Variants in CMSS1 observed in about 807,000 individuals in gnomAD.
CMSS1 encodes protein CMSS1.
CMSS1 carries 33 observed loss-of-function variants against 43.5 expected under a neutral mutation model. That is an observed-to-expected ratio of 0.76 (90% CI 0.57 to 1.01). The LOEUF is 1.01. CMSS1 is among the 50% of genes least tolerant of loss of function. CMSS1 has a pLI of 0.00. For missense variants in CMSS1, 313 were observed against 326.4 expected, an observed-to-expected ratio of 0.96 and a Z score of 0.32; for synonymous variants, 115 against 117.2, an observed-to-expected ratio of 0.98 and a Z score of 0.12.
At chr3:100,146,608 A>G (rs116229948) in intron 1 of CMSS1, among the ~76,000 whole-genome samples, 331 of 152,332 alleles carry the variant, frequency 2.2e-3, no homozygotes, top group Middle Eastern at 3.4e-3. Flanking sequence ...TGTAGTAACC[A>G]CTCAATAATT....
At chr3:99,989,306 T>C in intron 1 of CMSS1, among the ~76,000 whole-genome samples, 1 of 152,236 alleles carries the variant, frequency 6.6e-6, no homozygotes, top group East Asian at 1.9e-4. Flanking sequence ...CTTGACTGCA[T>C]GTCTAGGATT....
intron 1 of CMSS1, among the ~76,000 whole-genome samples, chr3:100,057,196 T>G (rs2065479411): frequency 6.6e-6 from 1 of 152,154 alleles, no homozygotes; most frequent in Non-Finnish European, 1.5e-5. Context: ...TCTCTGCCCC[T>G]CCAGTGGACT....
chr3:100,110,398 C>T (rs1161849680), intron 1 of CMSS1, among the ~76,000 whole-genome samples: 1 of 152,070 alleles, frequency 6.6e-6, no homozygotes, highest in African/African-American at 2.4e-5. Context: ...ACAGAAGCAG[C>T]TTTATCCCGT....
chr3:99,849,758 T>G, intron 1 of CMSS1: 3 of 1,613,826 alleles, frequency 1.9e-6, no homozygotes, highest in Non-Finnish European at 2.5e-6. Context: ...TTCATGTCCT[T>G]TAGCTTCAGT....
intron 1 of CMSS1, among the ~76,000 whole-genome samples, chr3:99,829,067 G>A (rs772921832): frequency 6.6e-6 from 1 of 152,134 alleles, no homozygotes; most frequent in Non-Finnish European, 1.5e-5. Flanking sequence ...GGTGGACTTA[G>A]TTAGATAAGT....
At chr3:100,139,432 A>C (rs2107505737) in intron 1 of CMSS1, among the ~76,000 whole-genome samples, 1 of 150,872 alleles carries the variant, frequency 6.6e-6, no homozygotes, top group East Asian at 2.0e-4. Context: ...CTATAATCCC[A>C]GCACCTTGGG....
intron 1 of CMSS1, among the ~76,000 whole-genome samples, chr3:100,094,714 C>T (rs1440292970): frequency 8.2e-6 from 1 of 122,584 alleles, no homozygotes; most frequent in Non-Finnish European, 1.6e-5. Context: ...GAGACAGTCT[C>T]GCTCTGTCAC....
At chr3:100,157,155 C>G (rs562893984) in intron 2 of CMSS1, among the ~76,000 whole-genome samples, 1 of 152,102 alleles carries the variant, frequency 6.6e-6, no homozygotes, top group African/African-American at 2.4e-5. Flanking sequence ...TTTTTCTTTT[C>G]ATTTTTCATC....
At position 100,136,735 on chromosome 3, in the gene CMSS1, G is replaced by A. The variant is rs186531278; in HGVS notation, c.65-10238G>A. On this transcript the variant is annotated intron_variant, in intron 1 of 9. Coordinates refer to ENST00000421999, the MANE Select transcript of CMSS1 (RefSeq NM_032359.4). ...GGAGACAAGGATAAAGTGAGAACAG[G>A]CATTCTGAATAATTAGAGTAAATGA... is the stretch of plus-strand genomic sequence containing the variant. Among the ~76,000 whole-genome samples, 399 of 152,266 alleles carry A rather than the reference G, an allele frequency of 2.6e-3. 7 individuals are homozygous for A. Among genetic ancestry groups the A allele is most frequent in the Admixed American group, 0.021 (325 of 15,294 alleles).
chr3:99,904,644 G>A (rs757519367), intron 1 of CMSS1, among the ~76,000 whole-genome samples: 1 of 151,080 alleles, frequency 6.6e-6, no homozygotes, highest in Non-Finnish European at 1.5e-5. Flanking sequence ...TTTTCTTTAT[G>A]GCTGCTTATT....
At chr3:100,101,352 T>C (rs1228400528) in intron 1 of CMSS1, among the ~76,000 whole-genome samples, 1 of 152,110 alleles carries the variant, frequency 6.6e-6, no homozygotes, top group Non-Finnish European at 1.5e-5. Context: ...CCAGAGACTT[T>C]TGTGGGAAGA....
intron 4 of CMSS1, among the ~76,000 whole-genome samples, chr3:100,164,696 G>T (rs2067052201): frequency 6.6e-6 from 1 of 152,114 alleles, no homozygotes; most frequent in South Asian, 2.1e-4. Flanking sequence ...ATAGATCTAA[G>T]CTAGATGTGG....
intron 1 of CMSS1, among the ~76,000 whole-genome samples, chr3:100,117,123 C>T (rs567183908): frequency 6.6e-6 from 1 of 152,196 alleles, no homozygotes; most frequent in African/African-American, 2.4e-5. Context: ...GTGTCAGGCA[C>T]ACTGTGAAAG....
At chr3:99,850,953 C>T in intron 1 of CMSS1, 1 of 1,614,174 alleles carries the variant, frequency 6.2e-7, no homozygotes, top group Middle Eastern at 1.6e-4. Context: ...CATCCACCAC[C>T]ATCAAAGCAA....
At chr3:100,046,253 T>C (rs1028055674) in intron 1 of CMSS1, among the ~76,000 whole-genome samples, 16 of 152,170 alleles carry the variant, frequency 1.1e-4, no homozygotes, top group African/African-American at 3.6e-4. Context: ...TCCAGTAACT[T>C]CTTTAGAGTT....
chr3:100,118,600 C>T (rs1262317503), intron 1 of CMSS1, among the ~76,000 whole-genome samples: 1 of 152,160 alleles, frequency 6.6e-6, no homozygotes. Context: ...ATAATTGTCT[C>T]AGCCTATGTA....
intron 1 of CMSS1, among the ~76,000 whole-genome samples, chr3:100,057,072 T>C (rs1426216728): frequency 6.6e-6 from 1 of 152,108 alleles, no homozygotes; most frequent in Admixed American, 6.5e-5. Flanking sequence ...GAACTAATGA[T>C]TGGCAGGCTC....
intron 1 of CMSS1, among the ~76,000 whole-genome samples, chr3:99,845,135 A>G (rs972565447): frequency 9.9e-5 from 15 of 152,180 alleles, no homozygotes; most frequent in African/African-American, 2.7e-4. Flanking sequence ...TGATTGAACA[A>G]GTATCAAGAT....
intron 1 of CMSS1, chr3:99,925,885 C>T: frequency 1.0e-6 from 1 of 985,384 alleles, no homozygotes; most frequent in Non-Finnish European, 1.2e-6. Context: ...TGGCCTTGAG[C>T]TCCATTTTGC....
Sources: allele counts gnomAD v4.1 joint callset (sites outside exome capture counted in the v4.1 genomes callset), GRCh38; gene constraint gnomAD v4.1.1; transcripts MANE v1.5; gene names NCBI Gene and HGNC (gene_info 2026-07-23, HGNC 2026-07-21).